The following FBXO36 variants were observed in gnomAD, a reference collection of about 807,000 sequenced individuals.
FBXO36 encodes F-box only protein 36.
In FBXO36, 18 loss-of-function variants were observed where a neutral mutation model predicts 17.0. The observed-to-expected ratio is 1.06, with a 90% CI of 0.73 to 1.57. The LOEUF (loss-of-function observed/expected upper bound fraction) is 1.57, where lower values mean the gene tolerates loss of function less well. Ranked by LOEUF, FBXO36 falls within the 40% of genes most tolerant of loss-of-function variation. FBXO36 has a pLI of 0.00. For missense variants in FBXO36, 229 were observed against 221.9 expected (o/e 1.03, Z -0.20); for synonymous variants, 83 against 85.3 (o/e 0.97, Z 0.15).
rs1415752803 is a variant in FBXO36, at chr2:230,011,769, G to C, written c.*885G>C. ...GGCTAAAACCTATAAACATTTCTTAGAGAAATGCTGTTCCCCAAAGGAATG... is the reference window on the plus strand; with the variant it reads ...GGCTAAAACCTATAAACATTTCTTACAGAAATGCTGTTCCCCAAAGGAATG... On this transcript the variant is annotated 3_prime_UTR_variant, in exon 4 of 4. Coordinates refer to ENST00000283946, the MANE Select transcript of FBXO36 (RefSeq NM_174899.5). 2 of 151,902 alleles carry C rather than the reference G, an allele frequency of 1.3e-5. No individual in the cohort carries two copies. The highest frequency in any genetic ancestry group is 4.8e-5 in the African/African-American group (2 of 41,362). The allele number at this position is 151,902 out of a possible 1,614,324, so 9.4% of individuals were successfully genotyped here.
chr2:229,953,076 G>A (rs2077065532), intron 1 of FBXO36, among the ~76,000 whole-genome samples: 2 of 152,156 alleles, frequency 1.3e-5, no homozygotes, highest in Admixed American at 6.5e-5. Context: ...GGTGGCTCAC[G>A]CCTGTAATCC....
intron 3 of FBXO36, among the ~76,000 whole-genome samples, chr2:230,000,961 T>A (rs1328011368): frequency 6.6e-6 from 1 of 150,758 alleles, no homozygotes; most frequent in Admixed American, 6.7e-5. Context: ...TTCAAGGGAT[T>A]CTCCTGCCTC....
At chr2:229,929,580 AAG>A (rs1223371105) in intron 1 of FBXO36, among the ~76,000 whole-genome samples, 1 of 150,430 alleles carries the variant, frequency 6.6e-6, no homozygotes, top group African/African-American at 2.5e-5. Context: ...AAAAAAGAAA[AAG>A]AAAGACACAG....
chr2:229,931,923 T>A (rs1410182889), intron 1 of FBXO36, among the ~76,000 whole-genome samples: 4 of 151,036 alleles, frequency 2.6e-5, no homozygotes, highest in African/African-American at 9.7e-5. Flanking sequence ...TGTATATATT[T>A]TTTTTTTTTT....
At chr2:229,933,372 A>T (rs1487307073) in intron 1 of FBXO36, among the ~76,000 whole-genome samples, 1 of 150,616 alleles carries the variant, frequency 6.6e-6, no homozygotes, top group African/African-American at 2.5e-5. Flanking sequence ...CAGCCTGAAC[A>T]AAAGAGCAAA....
intron 1 of FBXO36, chr2:229,944,988 T>G (rs1203702165): frequency 2.0e-5 from 3 of 152,208 alleles, no homozygotes; most frequent in Non-Finnish European, 4.4e-5. Context: ...AACTTCAGTT[T>G]GAAATAGGTT....
chr2:229,976,292 A>G lies in FBXO36; in HGVS notation c.148A>G (p.Lys50Glu). The change falls in exon 2 of 4, where the codon AAA becomes GAA. Residue 50 changes from lysine to glutamate, a missense_variant. Lys to Glu is a moderately conservative substitution (Grantham distance 56). Transcript: ENST00000283946. ...ISLRSEYRST[K>E]PGEAKETHED... ...TCTAAGGAGTGAGTATCGATCAACA[A>G]AACCTGGAGAAGCAAAAGAAACCCA... The G allele has an allele frequency of 1.9e-6, 3 of 1,613,896 alleles. No homozygotes were observed. The highest frequency in any genetic ancestry group is 2.5e-6 in the Non-Finnish European group (3 of 1,179,890).
intron 2 of FBXO36, among the ~76,000 whole-genome samples, chr2:229,991,918 C>G (rs2077299936): frequency 6.6e-6 from 1 of 152,086 alleles, no homozygotes; most frequent in South Asian, 2.1e-4. Flanking sequence ...TTCCATTGTC[C>G]TAGATTTGAT....
At chr2:229,985,112 C>T (rs561360730) in intron 2 of FBXO36, among the ~76,000 whole-genome samples, 1 of 152,290 alleles carries the variant, frequency 6.6e-6, no homozygotes, top group Non-Finnish European at 1.5e-5. Flanking sequence ...ATTTGCAACA[C>T]ATTTGACCTT....
intron 1 of FBXO36, among the ~76,000 whole-genome samples, chr2:229,975,435 C>T (rs1026641519): frequency 6.6e-6 from 1 of 151,216 alleles, no homozygotes; most frequent in Non-Finnish European, 1.5e-5. Context: ...AACCATTTGG[C>T]TCCGGGTGAT....
intron 1 of FBXO36, among the ~76,000 whole-genome samples, chr2:229,974,930 C>T (rs1435051173): frequency 2.6e-5 from 4 of 152,166 alleles, no homozygotes; most frequent in Non-Finnish European, 4.4e-5. Flanking sequence ...CCATCTTTCT[C>T]CTCCTAGCCT....
chr2:230,000,093 C>T (rs2077350251), intron 3 of FBXO36, among the ~76,000 whole-genome samples: 1 of 152,058 alleles, frequency 6.6e-6, no homozygotes, highest in South Asian at 2.1e-4. Flanking sequence ...CACGGTGGCT[C>T]ACACCTGTAA....
At chr2:229,951,692 TAGA>T (rs55635301) in intron 1 of FBXO36, among the ~76,000 whole-genome samples, 19,922 of 152,240 alleles carry the variant, frequency 0.13, 1,635 homozygotes, top group East Asian at 0.19. Context: ...ATGGGGCATT[TAGA>T]AGAAGTGATT....
intron 1 of FBXO36, chr2:229,932,892 AC>A: frequency 3.0e-6 from 1 of 332,172 alleles, no homozygotes; most frequent in Admixed American, 3.2e-5. Flanking sequence ...ACATGGTGAA[AC>A]CCCATCTCTA....
chr2:229,933,988 C>A (rs560067168), intron 1 of FBXO36, among the ~76,000 whole-genome samples: 1 of 151,298 alleles, frequency 6.6e-6, no homozygotes, highest in African/African-American at 2.4e-5. Flanking sequence ...GCCCAGCCCC[C>A]CTTTAAAAAA....
At chr2:229,958,486 A>G (rs2077103300) in intron 1 of FBXO36, among the ~76,000 whole-genome samples, 1 of 151,922 alleles carries the variant, frequency 6.6e-6, no homozygotes, top group Admixed American at 6.6e-5. Context: ...GGCCAGGCTG[A>G]TCTCGAACTC....
chr2:229,968,077 G>C (rs1477357392), intron 1 of FBXO36, among the ~76,000 whole-genome samples: 5 of 151,942 alleles, frequency 3.3e-5, no homozygotes, highest in Non-Finnish European at 7.4e-5. Context: ...TCTATTCGGA[G>C]ATTCAACTTC....
chr2:229,935,001 C>T (rs1439138019), intron 1 of FBXO36, among the ~76,000 whole-genome samples: 2 of 152,186 alleles, frequency 1.3e-5, no homozygotes, highest in Admixed American at 6.5e-5. Flanking sequence ...CTAACCTCCT[C>T]TTTAGAAATA....
At chr2:229,969,051 C>T (rs953298521) in intron 1 of FBXO36, among the ~76,000 whole-genome samples, 5 of 152,060 alleles carry the variant, frequency 3.3e-5, no homozygotes, top group African/African-American at 1.2e-4. Flanking sequence ...CATGAGCCAC[C>T]ACACCAGGCT....
Sources: gnomAD v4.1 joint callset for allele counts (sites outside exome capture counted in the v4.1 genomes callset) on GRCh38, gnomAD v4.1.1 for gene constraint, MANE v1.5 for transcripts, NCBI Gene and HGNC (gene_info 2026-07-23, HGNC 2026-07-21) for gene names.